WWOX: variants seen among roughly 807,000 people sequenced by gnomAD.
WWOX encodes WW domain-containing oxidoreductase.
WWOX carries 69 observed loss-of-function variants against 46.2 expected under a neutral mutation model. The observed-to-expected ratio is 1.49, with a 90% CI of 1.23 to 1.82. The LOEUF (loss-of-function observed/expected upper bound fraction) is 1.82. WWOX is among the 40% of genes most tolerant of loss of function. The probability of loss-of-function intolerance (pLI) is 0.00; values close to 1 mark genes in which losing one functional copy is unlikely to be tolerated. For missense variants in WWOX, 919 were observed against 542.6 expected (o/e 1.69, Z -6.89); for synonymous variants, 359 against 202.6 (o/e 1.77, Z -6.56).
chr16:79,170,296 T>C (rs550873445), intron 8 of WWOX, among the ~76,000 whole-genome samples: 3 of 152,316 alleles, frequency 2.0e-5, no homozygotes, highest in African/African-American at 7.2e-5. Flanking sequence ...GTTGAGGAAA[T>C]AGAGGATCAG....
chr16:78,843,672 C>A (rs879903423), intron 8 of WWOX, among the ~76,000 whole-genome samples: 4 of 132,684 alleles, frequency 3.0e-5, no homozygotes, highest in East Asian at 2.1e-4. Context: ...AATTCATTCC[C>A]TCTCCGTGGC....
At chr16:78,117,333 C>G (rs892882586) in intron 4 of WWOX, among the ~76,000 whole-genome samples, 1 of 152,138 alleles carries the variant, frequency 6.6e-6, no homozygotes. Flanking sequence ...GCTCTTTCCC[C>G]AGCTGTCACC....
chr16:78,336,750 G>C (rs1005301091), intron 5 of WWOX, among the ~76,000 whole-genome samples: 1 of 151,944 alleles, frequency 6.6e-6, no homozygotes, highest in Non-Finnish European at 1.5e-5. Context: ...TATAAAAATG[G>C]TATTTCCTGA....
chr16:78,935,827 A>C (rs2045725408), intron 8 of WWOX, among the ~76,000 whole-genome samples: 1 of 152,046 alleles, frequency 6.6e-6, no homozygotes, highest in Admixed American at 6.6e-5. Context: ...TGGGAGGATC[A>C]CTTCAGCTCA....
intron 8 of WWOX, among the ~76,000 whole-genome samples, chr16:78,530,649 T>C (rs1352887630): frequency 1.3e-5 from 2 of 152,188 alleles, no homozygotes; most frequent in African/African-American, 4.8e-5. Context: ...CAGGGATATA[T>C]GTTCTCACTT....
At chr16:78,629,564 C>T (rs909230648) in intron 8 of WWOX, among the ~76,000 whole-genome samples, 5 of 152,194 alleles carry the variant, frequency 3.3e-5, no homozygotes, top group South Asian at 2.1e-4. Context: ...AAAATCCTTT[C>T]CAGGGCCTGC....
At chr16:78,742,588 C>A (rs1042378804) in intron 8 of WWOX, among the ~76,000 whole-genome samples, 15 of 152,332 alleles carry the variant, frequency 9.8e-5, no homozygotes, top group Admixed American at 6.5e-5. Context: ...GCACAGCGAT[C>A]CCCAGCGCAT....
At chr16:78,476,747 T>G (rs1299146797) in intron 8 of WWOX, among the ~76,000 whole-genome samples, 5 of 152,178 alleles carry the variant, frequency 3.3e-5, no homozygotes, top group Admixed American at 3.3e-4. Context: ...AAGACCTAAA[T>G]GAGTTTTAAA....
At chr16:78,730,669 G>A (rs113438086) in intron 8 of WWOX, among the ~76,000 whole-genome samples, 1 of 145,116 alleles carries the variant, frequency 6.9e-6, no homozygotes, top group African/African-American at 2.5e-5. Flanking sequence ...TGTGTTGCCC[G>A]GGATGGTCTT....
At chr16:78,151,244 T>A (rs116557148) in intron 4 of WWOX, among the ~76,000 whole-genome samples, 3,897 of 152,174 alleles carry the variant, frequency 0.026, 171 homozygotes, top group African/African-American at 0.088. Flanking sequence ...TTTCTTATTA[T>A]ATCACAATAT....
intron 5 of WWOX, among the ~76,000 whole-genome samples, chr16:78,360,398 C>G (rs1489183492): frequency 6.6e-6 from 1 of 151,990 alleles, no homozygotes; most frequent in Admixed American, 6.6e-5. Context: ...CCAGCCTGGT[C>G]AAATAGTGAA....
chr16:78,671,997 C>T (rs954425767), intron 8 of WWOX, among the ~76,000 whole-genome samples: 1 of 152,088 alleles, frequency 6.6e-6, no homozygotes, highest in Admixed American at 6.6e-5. Context: ...TACGCAAAAG[C>T]AGGAACATCA....
intron 8 of WWOX, among the ~76,000 whole-genome samples, chr16:78,471,116 A>G (rs1365485335): frequency 6.6e-6 from 1 of 152,110 alleles, no homozygotes; most frequent in East Asian, 1.9e-4. Flanking sequence ...TGCTTCTAGG[A>G]CTGAACAGGG....
At position 79,190,342 on chromosome 16, in the gene WWOX, GA is replaced by G. The variant is rs1287575402; in HGVS notation, c.1057-21256del. Among the ~76,000 whole-genome samples the G allele has an allele frequency of 1.5e-4, 22 of 149,234 alleles. 1 individual carries two copies. The highest frequency in any genetic ancestry group is 1.1e-3 in the South Asian group (5 of 4,690). ...GCCCGGCCTCATATCCTTTTTTATGGAAAAAAAAAATCGGGAATTAGCGTGT... is the reference window on the plus strand; with the variant it reads ...GCCCGGCCTCATATCCTTTTTTATGGAAAAAAAAATCGGGAATTAGCGTGT... On this transcript the variant is annotated intron_variant, in intron 8 of 8. Transcript: ENST00000566780.
intron 8 of WWOX, among the ~76,000 whole-genome samples, chr16:78,644,689 C>T (rs966486704): frequency 2.0e-5 from 3 of 152,194 alleles, no homozygotes; most frequent in South Asian, 2.1e-4. Context: ...TCTGGAACTC[C>T]TGAACTCAAG....
chr16:78,327,454 C>A (rs1453757576), intron 5 of WWOX, among the ~76,000 whole-genome samples: 4 of 152,108 alleles, frequency 2.6e-5, no homozygotes, highest in African/African-American at 7.2e-5. Context: ...GAAAGCATGA[C>A]CCACTGGGCA....
chr16:78,506,695 GTTTTTTTTTTTTTTTTTTT>G (rs1159884484), intron 8 of WWOX: 1 of 8,640 alleles, frequency 1.2e-4, no homozygotes, highest in African/African-American at 3.1e-4. Flanking sequence ...CTTTTTGTGT[GTTTTTTTTTTTTTTTTTTT>G]TTTTTTTTTT....
intron 5 of WWOX, among the ~76,000 whole-genome samples, chr16:78,225,629 A>G (rs1002974801): frequency 2.0e-5 from 3 of 152,194 alleles, no homozygotes; most frequent in Admixed American, 6.5e-5. Flanking sequence ...GCCATGAGGA[A>G]TTGGGTAAGG....
intron 5 of WWOX, among the ~76,000 whole-genome samples, chr16:78,355,199 A>T (rs904932764): frequency 6.6e-6 from 1 of 152,052 alleles, no homozygotes; most frequent in East Asian, 1.9e-4. Context: ...TATAGTAACT[A>T]TTAGGAAACC....
Sources: allele counts gnomAD v4.1 joint callset (sites outside exome capture counted in the v4.1 genomes callset), GRCh38; gene constraint gnomAD v4.1.1; transcripts MANE v1.5; gene names NCBI Gene and HGNC (gene_info 2026-07-23, HGNC 2026-07-21).